The following PDE8B variants were observed in gnomAD, a reference collection of about 807,000 sequenced individuals.
The protein encoded by PDE8B is high affinity cAMP-specific and IBMX-insensitive 3',5'-cyclic phosphodiesterase 8B.
In PDE8B, 26 loss-of-function variants were observed where a neutral mutation model predicts 101.3. The ratio of observed to expected loss-of-function variants is 0.26; its 90% CI spans 0.19 to 0.36. The LOEUF (loss-of-function observed/expected upper bound fraction) is 0.36. Ranked by LOEUF, PDE8B falls within the 10% of genes least tolerant of loss-of-function variation. PDE8B has a pLI of 1.00. For missense variants in PDE8B, 810 were observed against 1,163.1 expected, an observed-to-expected ratio of 0.70 and a Z score of 4.42; for synonymous variants, 424 against 429.3, an observed-to-expected ratio of 0.99 and a Z score of 0.15.
rs1373028694 is a variant in PDE8B at position 77,325,670 on chromosome 5, T to G, written c.531T>G (p.His177Gln). ...TTGAATGCTTTCTTGATAAGCATCA[T>G]GAAATTATTGTAATTGATCATAGAC... ...SALECFLDKHHEIIVIDHRQT... is the reference protein window; with the variant it reads ...SALECFLDKHQEIIVIDHRQT... Residue 177 changes from histidine (H) to glutamine (Q), a missense_variant, in exon 3 of 22, where the codon CAT (histidine) becomes CAG (glutamine). Physicochemically the swap from His to Gln is conservative, Grantham distance 24. Transcript: ENST00000264917. 2.5e-6 allele frequency: 4 copies of G among 1,612,878 alleles called. No homozygotes were observed. The highest frequency in any genetic ancestry group is 1.7e-6 in the Non-Finnish European group (2 of 1,178,832).
the PDE8B span, chr5:77,180,518 C>G: frequency 1.0e-6 from 1 of 983,246 alleles, no homozygotes. Flanking sequence ...CCGCGCAGCC[C>G]TCGGCCGCCC....
chr5:77,339,028 C>G (rs1778697162), intron 6 of PDE8B, among the ~76,000 whole-genome samples: 1 of 152,172 alleles, frequency 6.6e-6, no homozygotes, highest in South Asian at 2.1e-4. Context: ...AGGGCAAAAG[C>G]AGGCCTGGAA....
In PDE8B at chr5:77,401,062, C is replaced by A. The variant is rs572886242; in HGVS notation, c.1210+772C>A. Among the ~76,000 whole-genome samples, 6 of 152,236 alleles carry A rather than the reference C, an allele frequency of 3.9e-5. No homozygotes were observed. In the South Asian group the frequency reaches 1.0e-3, roughly 26 times the overall value. ...CTTAGAAAGATGTCATTTGCTCTTTCTAAGCTTCAAATTTTTTCATTTGTA... is the reference window on the plus strand; with the variant it reads ...CTTAGAAAGATGTCATTTGCTCTTTATAAGCTTCAAATTTTTTCATTTGTA... On this transcript the variant is annotated intron_variant, in intron 11 of 21. Coordinates refer to ENST00000264917, the MANE Select transcript of PDE8B (RefSeq NM_003719.5).
At position 77,306,002 on chromosome 5, in the gene PDE8B, T is replaced by C. The variant is rs148064953; in HGVS notation, c.340-5992T>C. Among the ~76,000 whole-genome samples the C allele has an allele frequency of 7.0e-4, 107 of 152,274 alleles. 2 individuals are homozygous for C. In the Middle Eastern group the frequency reaches 0.014, roughly 19 times the overall value. On this transcript the variant is annotated intron_variant, in intron 1 of 21. Coordinates refer to ENST00000264917, the MANE Select transcript of PDE8B (RefSeq NM_003719.5). ...TCATTGAAGTGGGGAAGATTCAGACTCTGAGTTTTGGAACTCAGACATTCC... is the reference window on the plus strand; with the variant it reads ...TCATTGAAGTGGGGAAGATTCAGACCCTGAGTTTTGGAACTCAGACATTCC...
chr5:77,288,707 T>G (rs890659365), intron 1 of PDE8B, among the ~76,000 whole-genome samples: 9 of 152,182 alleles, frequency 5.9e-5, no homozygotes, highest in African/African-American at 1.9e-4. Context: ...TTAACTCTCT[T>G]GTTTTACAAA....
At chr5:77,156,258 G>T in the PDE8B span, among the ~76,000 whole-genome samples, 2 of 152,176 alleles carry the variant, frequency 1.3e-5, no homozygotes, top group African/African-American at 4.8e-5. Context: ...AGGCTGATAG[G>T]TTGTTGGTGC....
chr5:77,294,685 T>C (rs1415299582), intron 1 of PDE8B, among the ~76,000 whole-genome samples: 1 of 145,996 alleles, frequency 6.8e-6, no homozygotes, highest in Non-Finnish European at 1.5e-5. Flanking sequence ...GAAAGGAAGG[T>C]CGAACTGGAA....
At chr5:77,100,579 G>T in the PDE8B span, among the ~76,000 whole-genome samples, 1 of 152,240 alleles carries the variant, frequency 6.6e-6, no homozygotes, top group Admixed American at 6.5e-5. Context: ...CGGTGGGAGG[G>T]GATATGGAAA....
chr5:77,404,652 A>G (rs537674436), intron 11 of PDE8B, 68 bp from the exon 12 acceptor site: 2 of 922,146 alleles, frequency 2.2e-6, no homozygotes, highest in South Asian at 2.6e-5. Context: ...AAGAAAAAAC[A>G]TGTTTGAATC....
At chr5:77,086,853 C>T in the PDE8B span, 1 of 152,330 alleles carries the variant, frequency 6.6e-6, no homozygotes, top group African/African-American at 2.4e-5. Flanking sequence ...TCCGAACAAG[C>T]TTGTCGAAAG....
intron 5 of PDE8B, among the ~76,000 whole-genome samples, chr5:77,334,163 CA>C (rs1340912697): frequency 6.6e-6 from 1 of 152,230 alleles, no homozygotes; most frequent in African/African-American, 2.4e-5. Context: ...CTTTGCCTTC[CA>C]TGAAGTTGTT....
intron 1 of PDE8B, among the ~76,000 whole-genome samples, chr5:77,255,051 A>G (rs1758820834): frequency 6.6e-6 from 1 of 151,542 alleles, no homozygotes; most frequent in South Asian, 2.1e-4. Flanking sequence ...CCTCCAAGTT[A>G]CCTCCCTCCC....
the PDE8B span, among the ~76,000 whole-genome samples, chr5:77,190,042 G>A: frequency 6.6e-6 from 1 of 152,186 alleles, no homozygotes; most frequent in Non-Finnish European, 1.5e-5. Context: ...GCCCCTTCTA[G>A]CACTAACACG....
At chr5:77,364,456 C>G (rs991056919) in intron 10 of PDE8B, among the ~76,000 whole-genome samples, 1 of 152,186 alleles carries the variant, frequency 6.6e-6, no homozygotes, top group Non-Finnish European at 1.5e-5. Flanking sequence ...ATGGTTTCCT[C>G]TAGTGCCATT....
chr5:77,424,160 G>A (rs916442322), intron 20 of PDE8B, among the ~76,000 whole-genome samples: 3 of 152,092 alleles, frequency 2.0e-5, no homozygotes, highest in South Asian at 2.1e-4. Flanking sequence ...CTGCTTGATC[G>A]ACTGACCTGA....
the PDE8B span, among the ~76,000 whole-genome samples, chr5:77,171,830 C>T: frequency 2.0e-5 from 3 of 152,078 alleles, no homozygotes; most frequent in South Asian, 2.1e-4. Flanking sequence ...GCCCTGTGCT[C>T]GTGCCTTTCA....
At chr5:77,270,169 A>G (rs780266128) in intron 1 of PDE8B, among the ~76,000 whole-genome samples, 2 of 152,040 alleles carry the variant, frequency 1.3e-5, no homozygotes, top group Non-Finnish European at 1.5e-5. Flanking sequence ...TTACAGTTTT[A>G]ATTGTAGAGA....
chr5:77,413,347 A>G, intron 17 of PDE8B, 38 bp downstream of exon 17: 2 of 1,541,750 alleles, frequency 1.3e-6, no homozygotes, highest in Non-Finnish European at 1.8e-6. Context: ...ACCTGCCTGG[A>G]TTGGAGATCC....
intron 1 of PDE8B, among the ~76,000 whole-genome samples, chr5:77,236,053 G>A (rs1056551637): frequency 2.6e-5 from 4 of 152,206 alleles, no homozygotes; most frequent in Non-Finnish European, 4.4e-5. Flanking sequence ...CTGCTGTGCT[G>A]TGTTGCCAGA....
Sources: allele counts gnomAD v4.1 joint callset (sites outside exome capture counted in the v4.1 genomes callset), GRCh38; gene constraint gnomAD v4.1.1; transcripts MANE v1.5; gene names NCBI Gene and HGNC (gene_info 2026-07-23, HGNC 2026-07-21).